Variants in PDE4D observed in about 807,000 individuals in gnomAD.
PDE4D encodes the protein 3',5'-cyclic-AMP phosphodiesterase 4D.
A neutral mutation model predicts 87.4 loss-of-function variants in PDE4D; 24 were observed. That is an observed-to-expected ratio of 0.27 (90% CI 0.20 to 0.39). The LOEUF is 0.39. PDE4D is among the 10% of genes least tolerant of loss of function. The pLI is 1.00. For missense variants in PDE4D, 714 were observed against 1,041.0 expected (o/e 0.69, Z 4.32); for synonymous variants, 384 against 383.2 (o/e 1.00, Z -0.02).
rs373921591 is a variant in PDE4D, at chr5:58,980,688, G to GGGGAAGGGT, written c.1553-3352_1553-3344dup. On this transcript the variant is annotated intron_variant, in intron 11 of 14. Coordinates refer to ENST00000340635, the MANE Select transcript of PDE4D (RefSeq NM_001104631.2). Reference sequence around the variant, plus strand: ...TCTCTTCTGAGTGCTAATGAAATGGGGGGAAGGGTGGGCAGGTACTACCAC... The same window carrying GGGGAAGGGT: ...TCTCTTCTGAGTGCTAATGAAATGGGGGGAAGGGTGGGAAGGGTGGGCAGGTACTACCAC... 8.4e-3 allele frequency among the ~76,000 whole-genome samples: 1,284 copies of GGGGAAGGGT among 152,058 alleles called. 12 individuals carry two copies. Among genetic ancestry groups the GGGGAAGGGT allele is most frequent in the African/African-American group, 0.029 (1,214 of 41,396 alleles).
chr5:59,032,238 C>T (rs2968020), intron 6 of PDE4D, among the ~76,000 whole-genome samples: 2,475 of 151,940 alleles, frequency 0.016, 62 homozygotes, highest in African/African-American at 0.045. Flanking sequence ...GAATAATTGA[C>T]AAATAAATTT....
intron 1 of PDE4D, among the ~76,000 whole-genome samples, chr5:59,764,966 T>C (rs746705742): frequency 6.6e-6 from 1 of 152,132 alleles, no homozygotes; most frequent in African/African-American, 2.4e-5. Flanking sequence ...CCAAGAGAAG[T>C]CTTTTTTAAG....
At chr5:59,058,950 C>G (rs1301250089) in intron 5 of PDE4D, among the ~76,000 whole-genome samples, 1 of 152,024 alleles carries the variant, frequency 6.6e-6, no homozygotes, top group Non-Finnish European at 1.5e-5. Flanking sequence ...TAAACTGCAC[C>G]TTAATAATGT....
intron 1 of PDE4D, among the ~76,000 whole-genome samples, chr5:60,329,168 C>T (rs191077982): frequency 1.8e-4 from 28 of 152,102 alleles, no homozygotes; most frequent in Admixed American, 9.2e-4. Flanking sequence ...TGTCCCCACC[C>T]AAATCTCATC....
intron 1 of PDE4D, among the ~76,000 whole-genome samples, chr5:60,287,469 A>G (rs887048252): frequency 1.3e-5 from 2 of 152,210 alleles, no homozygotes; most frequent in South Asian, 2.1e-4. Context: ...GACAAGAACT[A>G]AAATTCTTAT....
intron 1 of PDE4D, among the ~76,000 whole-genome samples, chr5:59,266,593 G>A (rs574905517): frequency 1.8e-4 from 27 of 151,996 alleles, no homozygotes; most frequent in South Asian, 1.7e-3. Flanking sequence ...GAATGGAGCC[G>A]TGTCAAAGTC....
chr5:59,880,404 C>G (rs988218761), intron 1 of PDE4D, among the ~76,000 whole-genome samples: 7 of 152,126 alleles, frequency 4.6e-5, no homozygotes, highest in African/African-American at 1.4e-4. Context: ...GCCACTGTGC[C>G]TGGCCTGAAA....
At chr5:59,017,452 G>C (rs1754259135) in intron 6 of PDE4D, among the ~76,000 whole-genome samples, 1 of 152,138 alleles carries the variant, frequency 6.6e-6, no homozygotes, top group South Asian at 2.1e-4. Flanking sequence ...TATGTAAGGA[G>C]AAAGAAGAAT....
rs1028458916 is a variant in PDE4D, at chr5:60,048,509, G to T, written c.43-59792C>A. On this transcript the variant is annotated intron_variant, in intron 2 of 16. Coordinates refer to the PDE4D transcript ENST00000502484. The stretch of plus-strand genomic sequence containing the variant: ...GATTTTGCAGTGGCTGGTACCATTT[G>T]TTCCTCTCCATGTTTAGTGCTTCCT... 4.6e-5 allele frequency among the ~76,000 whole-genome samples: 7 copies of T among 152,226 alleles called. No homozygotes were observed. In the East Asian group the frequency reaches 1.4e-3, roughly 29 times the overall value.
Position 59,762,329 on chromosome 5 carries a change from C to CGTATATGGGTACACATATGCATATATGT in PDE4D, c.455+130811_455+130838dup, listed in dbSNP as rs1561615382. 4.2e-5 allele frequency among the ~76,000 whole-genome samples: 5 copies of CGTATATGGGTACACATATGCATATATGT among 120,312 alleles called. No homozygotes were observed. The South Asian group carries it at 7.3e-4, about 18-fold the overall frequency. The allele number at this position is 120,312 out of a possible 152,430, so 78.9% of individuals were successfully genotyped here. On this transcript the variant is annotated intron_variant, in intron 1 of 14. Coordinates refer to ENST00000340635, the MANE Select transcript of PDE4D (RefSeq NM_001104631.2). Reference sequence around the variant, plus strand: ...ATATGCGTATATGGGTACACATATGCGTATATGGGTACACATATGCATATA... The same window carrying CGTATATGGGTACACATATGCATATATGT: ...ATATGCGTATATGGGTACACATATGCGTATATGGGTACACATATGCATATATGTGTATATGGGTACACATATGCATATA...
chr5:60,495,218 T>C (rs1016845534), intron 1 of PDE4D, among the ~76,000 whole-genome samples: 1 of 152,190 alleles, frequency 6.6e-6, no homozygotes, highest in African/African-American at 2.4e-5. Context: ...CTTCAGTCCA[T>C]GGTATTTTGT....
intron 1 of PDE4D, among the ~76,000 whole-genome samples, chr5:60,371,987 C>T (rs993295508): frequency 4.6e-5 from 7 of 152,094 alleles, no homozygotes; most frequent in South Asian, 2.1e-4. Flanking sequence ...ACTATAAAAA[C>T]GGAATTGCTA....
chr5:60,040,884 T>G (rs1447980104), intron 2 of PDE4D, among the ~76,000 whole-genome samples: 4 of 152,172 alleles, frequency 2.6e-5, no homozygotes, highest in African/African-American at 9.6e-5. Flanking sequence ...AAGATTTTTA[T>G]TTACAATTAA....
intron 1 of PDE4D, among the ~76,000 whole-genome samples, chr5:60,312,836 A>G (rs1179028986): frequency 6.6e-6 from 1 of 152,214 alleles, no homozygotes; most frequent in Non-Finnish European, 1.5e-5. Flanking sequence ...TTGGGTAAAC[A>G]TTGAAATTAA....
chr5:59,058,295 A>G (rs1485839545), intron 5 of PDE4D, among the ~76,000 whole-genome samples: 1 of 152,128 alleles, frequency 6.6e-6, no homozygotes, highest in African/African-American at 2.4e-5. Context: ...ATGTCACATG[A>G]TTAGTGTAAC....
chr5:59,281,648 T>C (rs1765819453), intron 1 of PDE4D, among the ~76,000 whole-genome samples: 1 of 152,094 alleles, frequency 6.6e-6, no homozygotes, highest in South Asian at 2.1e-4. Context: ...AACGATTATC[T>C]CCATCCATCT....
chr5:59,354,965 A>G (rs1217180882), intron 1 of PDE4D, among the ~76,000 whole-genome samples: 1 of 152,202 alleles, frequency 6.6e-6, no homozygotes, highest in Non-Finnish European at 1.5e-5. Context: ...TGTATATTCA[A>G]ATTAAGAGGA....
chr5:60,419,254 A>T (rs1742886521), intron 1 of PDE4D, among the ~76,000 whole-genome samples: 2 of 152,158 alleles, frequency 1.3e-5, no homozygotes, highest in Non-Finnish European at 2.9e-5. Flanking sequence ...TGGTGAGATA[A>T]TTCATGGTAT....
chr5:60,183,117 G>C (rs1784507232), intron 2 of PDE4D, among the ~76,000 whole-genome samples: 1 of 152,072 alleles, frequency 6.6e-6, no homozygotes, highest in South Asian at 2.1e-4. Context: ...GAGGACCCAG[G>C]GAAAAAGTAG....
Sources: allele counts gnomAD v4.1 joint callset (sites outside exome capture counted in the v4.1 genomes callset), GRCh38; gene constraint gnomAD v4.1.1; transcripts MANE v1.5; gene names NCBI Gene and HGNC (gene_info 2026-07-23, HGNC 2026-07-21).